The following SCAI variants were observed in gnomAD, a reference collection of about 807,000 sequenced individuals.
SCAI encodes the protein suppressor of cancer cell invasion.
SCAI carries 24 observed loss-of-function variants against 92.2 expected under a neutral mutation model. The observed-to-expected ratio is 0.26, with a 90% CI of 0.19 to 0.37. The LOEUF (loss-of-function observed/expected upper bound fraction) is 0.37. Among genes scored for constraint, SCAI ranks in the 10% least tolerant of loss-of-function variants. The pLI is 1.00. For synonymous variants in SCAI, 261 were observed against 258.6 expected, an observed-to-expected ratio of 1.01 and a Z score of -0.09; for missense variants, 450 against 736.2, an observed-to-expected ratio of 0.61 and a Z score of 4.50.
intron 2 of SCAI, among the ~76,000 whole-genome samples, chr9:125,078,110 T>C (rs1238804451): frequency 8.5e-5 from 13 of 152,286 alleles, no homozygotes; most frequent in Non-Finnish European, 1.5e-4. Flanking sequence ...GTCAGATAAA[T>C]GATTTGCAAA....
chr9:125,024,712 C>T (rs1048637521), intron 6 of SCAI, among the ~76,000 whole-genome samples: 4 of 152,116 alleles, frequency 2.6e-5, no homozygotes, highest in Non-Finnish European at 5.9e-5. Flanking sequence ...GGTGGCTCAC[C>T]GTAACATCTC....
intron 2 of SCAI, among the ~76,000 whole-genome samples, chr9:125,059,651 GA>G (rs1168472834): frequency 1.3e-5 from 2 of 152,210 alleles, no homozygotes; most frequent in African/African-American, 4.8e-5. Context: ...CTGAATGTAT[GA>G]GGGGACATTA....
chr9:125,128,328 C>T (rs527644301), intron 2 of SCAI, among the ~76,000 whole-genome samples: 99 of 151,440 alleles, frequency 6.5e-4, no homozygotes, highest in African/African-American at 4.6e-4. Context: ...AAAATGTATA[C>T]GGGTAATTTG....
At chr9:124,956,364 A>G (rs1831314845) in intron 17 of SCAI, among the ~76,000 whole-genome samples, 1 of 152,050 alleles carries the variant, frequency 6.6e-6, no homozygotes, top group African/African-American at 2.4e-5. Context: ...GATTACAGGC[A>G]TGCGCCACCA....
intron 2 of SCAI, among the ~76,000 whole-genome samples, chr9:125,130,052 C>A (rs1835365975): frequency 6.6e-6 from 1 of 151,792 alleles, no homozygotes; most frequent in African/African-American, 2.4e-5. Context: ...GCGCCCACCA[C>A]CACGCCCAGC....
intron 17 of SCAI, chr9:124,968,333 C>T: frequency 8.1e-7 from 1 of 1,230,106 alleles, no homozygotes; most frequent in Non-Finnish European, 1.2e-6. Flanking sequence ...AAGACAAGTC[C>T]AGTTTGGTTT....
intron 14 of SCAI, among the ~76,000 whole-genome samples, chr9:124,992,832 T>C (rs1832162763): frequency 6.6e-6 from 1 of 152,218 alleles, no homozygotes; most frequent in South Asian, 2.1e-4. Flanking sequence ...TATTAAAATC[T>C]AAAATTAAGC....
intron 2 of SCAI, among the ~76,000 whole-genome samples, chr9:125,092,343 C>T (rs939622872): frequency 1.3e-5 from 2 of 151,772 alleles, no homozygotes; most frequent in African/African-American, 4.8e-5. Flanking sequence ...GTGCCAGTTA[C>T]TTGGGAGGCT....
chr9:125,059,613 G>GAAC (rs1833735223), intron 2 of SCAI, among the ~76,000 whole-genome samples: 1 of 152,194 alleles, frequency 6.6e-6, no homozygotes, highest in African/African-American at 2.4e-5. Flanking sequence ...TAGAGGCAGT[G>GAAC]TAAATTAGTT....
chr9:124,991,351 CAAAAAAAAAAA>C (rs34976572), intron 14 of SCAI, among the ~76,000 whole-genome samples: 1 of 40,226 alleles, frequency 2.5e-5, no homozygotes, highest in Non-Finnish European at 3.9e-5. Context: ...AACTCCGTCT[CAAAAAAAAAAA>C]AAAAAAAAAA....
chr9:124,967,136 T>TA (rs1831556944), intron 17 of SCAI, among the ~76,000 whole-genome samples: 1 of 152,214 alleles, frequency 6.6e-6, no homozygotes, highest in Admixed American at 6.5e-5. Flanking sequence ...TAATATGGTA[T>TA]AATAGGCTTA....
At chr9:124,993,164 G>A (rs147061807) in intron 14 of SCAI, among the ~76,000 whole-genome samples, 143 of 152,364 alleles carry the variant, frequency 9.4e-4, no homozygotes, top group African/African-American at 3.4e-3. Context: ...TTTGAATTCT[G>A]TGAAGACACA....
At chr9:125,113,471 T>G (rs1296302723) in intron 2 of SCAI, among the ~76,000 whole-genome samples, 1 of 152,058 alleles carries the variant, frequency 6.6e-6, no homozygotes, top group Non-Finnish European at 1.5e-5. Flanking sequence ...CTAACTGTAA[T>G]GTGGTATCCT....
At chr9:125,125,461 G>A (rs1227506735) in intron 2 of SCAI, among the ~76,000 whole-genome samples, 1 of 151,972 alleles carries the variant, frequency 6.6e-6, no homozygotes, top group Non-Finnish European at 1.5e-5. Flanking sequence ...CCAAGAGGTG[G>A]AGGTTGCAGT....
chr9:125,034,129 G>A (rs1046077292), intron 3 of SCAI, among the ~76,000 whole-genome samples: 8 of 152,166 alleles, frequency 5.3e-5, no homozygotes, highest in Non-Finnish European at 1.2e-4. Flanking sequence ...GAGGGAGGGG[G>A]CAGTTCCCAA....
At chr9:124,961,977 G>A (rs1013352770) in intron 17 of SCAI, among the ~76,000 whole-genome samples, 1 of 150,844 alleles carries the variant, frequency 6.6e-6, no homozygotes, top group Non-Finnish European at 1.5e-5. Context: ...CTTGTCTGCT[G>A]CCTCTTGGTT....
intron 14 of SCAI, among the ~76,000 whole-genome samples, chr9:124,979,231 C>T (rs1831826865): frequency 6.6e-6 from 1 of 151,876 alleles, no homozygotes; most frequent in Non-Finnish European, 1.5e-5. Flanking sequence ...ATTTATATAA[C>T]TAAGAAAACT....
At chr9:125,136,063 T>C (rs1835518733) in intron 2 of SCAI, among the ~76,000 whole-genome samples, 1 of 151,166 alleles carries the variant, frequency 6.6e-6, no homozygotes, top group Admixed American at 6.6e-5. Context: ...CAACTCTACA[T>C]AGCAGACCCG....
chr9:125,048,735 TA>T (rs1273246577), intron 3 of SCAI, among the ~76,000 whole-genome samples: 15 of 149,238 alleles, frequency 1.0e-4, no homozygotes, highest in Admixed American at 1.3e-4. Flanking sequence ...TTTATTTATT[TA>T]TTTAATTTTA....
Sources: allele counts gnomAD v4.1 joint callset (sites outside exome capture counted in the v4.1 genomes callset), GRCh38; gene constraint gnomAD v4.1.1; transcripts MANE v1.5; gene names NCBI Gene and HGNC (gene_info 2026-07-23, HGNC 2026-07-21).